The following ATXN7L1 variants were observed in gnomAD, a reference collection of about 807,000 sequenced individuals.
ATXN7L1 encodes the protein ataxin 7 like 1, also known as ataxin-7-like protein 1.
Under a neutral mutation model 70.8 loss-of-function variants are expected in ATXN7L1, and 15 were observed. That is an observed-to-expected ratio of 0.21 (90% CI 0.14 to 0.33). The LOEUF is 0.33. Ranked by LOEUF, ATXN7L1 falls within the 10% of genes least tolerant of loss-of-function variation. The probability of loss-of-function intolerance (pLI) is 1.00; values close to 1 mark genes in which losing one functional copy is unlikely to be tolerated. For synonymous variants in ATXN7L1, 440 were observed against 445.1 expected, an observed-to-expected ratio of 0.99 and a Z score of 0.14; for missense variants, 975 against 1,097.1, an observed-to-expected ratio of 0.89 and a Z score of 1.57.
At chr7:105,773,149 G>T (rs1797152436) in intron 3 of ATXN7L1, among the ~76,000 whole-genome samples, 1 of 152,106 alleles carries the variant, frequency 6.6e-6, no homozygotes, top group African/African-American at 2.4e-5. Flanking sequence ...TAGTTGCTAT[G>T]GGACTAGTTA....
chr7:105,784,553 T>C (rs894699481), intron 3 of ATXN7L1, among the ~76,000 whole-genome samples: 1 of 152,030 alleles, frequency 6.6e-6, no homozygotes, highest in Non-Finnish European at 1.5e-5. Flanking sequence ...CATGACAGCA[T>C]GGCAGGAGGG....
At chr7:105,822,394 T>C (rs997200262) in intron 2 of ATXN7L1, among the ~76,000 whole-genome samples, 1 of 152,256 alleles carries the variant, frequency 6.6e-6, no homozygotes, top group Non-Finnish European at 1.5e-5. Context: ...GGGCTTGAGT[T>C]GCTTTGTGGT....
chr7:105,652,688 C>G lies in ATXN7L1; in HGVS notation c.579-9567G>C, dbSNP rs1382573339. Among the ~76,000 whole-genome samples, 6 of 152,362 alleles carry G rather than the reference C, an allele frequency of 3.9e-5. No homozygotes were observed. The East Asian group carries it at 5.8e-4, about 15-fold the overall frequency. On this transcript the variant is annotated intron_variant, in intron 4 of 11. Coordinates refer to ENST00000419735, the MANE Select transcript of ATXN7L1 (RefSeq NM_020725.2). ...CAACTCCTTACAGAACACCCTCCAT[C>G]CCCCTGCCAGGAAGGCTGGGAGCTG... is the stretch of plus-strand genomic sequence containing the variant.
In ATXN7L1 at chr7:105,795,491, C is replaced by T. The variant is rs576545870; in HGVS notation, c.251-6783G>A. 7.2e-4 allele frequency among the ~76,000 whole-genome samples: 109 copies of T among 152,302 alleles called. No individual in the cohort carries two copies. In the Middle Eastern group the frequency reaches 0.017, roughly 24 times the overall value. On this transcript the variant is annotated intron_variant, in intron 2 of 11. Coordinates refer to ENST00000419735, the MANE Select transcript of ATXN7L1 (RefSeq NM_020725.2). The stretch of plus-strand genomic sequence containing the variant: ...CTGGTTTTGTGGATTCAGGATCAAG[C>T]TAGATGCTGCGTGCCTTTGAATTTG...
intron 3 of ATXN7L1, among the ~76,000 whole-genome samples, chr7:105,703,332 T>G (rs1792728436): frequency 6.7e-6 from 1 of 149,514 alleles, no homozygotes; most frequent in Non-Finnish European, 1.5e-5. Context: ...CACTTAAGTA[T>G]AACTTGTATT....
At chr7:105,815,606 C>G (rs553468520) in intron 2 of ATXN7L1, among the ~76,000 whole-genome samples, 1 of 152,224 alleles carries the variant, frequency 6.6e-6, no homozygotes, top group African/African-American at 2.4e-5. Context: ...CACTTTCAGA[C>G]CCACATGGCG....
At chr7:105,756,926 T>A (rs1415741761) in intron 3 of ATXN7L1, among the ~76,000 whole-genome samples, 1 of 152,204 alleles carries the variant, frequency 6.6e-6, no homozygotes, top group Non-Finnish European at 1.5e-5. Flanking sequence ...GAGTTTTTTT[T>A]AACACTTAAA....
In ATXN7L1 at chr7:105,638,393, A is replaced by T. The variant is rs1797692329; in HGVS notation, c.1162T>A (p.Ser388Thr). The T allele has an allele frequency of 7.7e-6, 12 of 1,552,102 alleles. No individual in the cohort carries two copies. The highest frequency in any genetic ancestry group is 1.0e-5 in the Non-Finnish European group (12 of 1,147,090). The change falls in exon 7 of 12, where the codon TCC becomes ACC. Residue 388 changes from serine (S) to threonine (T), a missense_variant. This residue lies in a region of ATXN7L1 where 635 missense variants were observed against 699.4 expected (regional missense o/e 0.91). Transcript: ENST00000419735. ...TTGGGTGGTCTGGATTTTGCAGGGG[A>T]TGCAACTTTTGGTTCTGGCCCAGAG... ...GSSGPEPKVA[S>T]PAKSRPPNSV... is the part of the protein sequence containing the mutation.
intron 10 of ATXN7L1, among the ~76,000 whole-genome samples, chr7:105,612,677 G>C (rs1793265707): frequency 6.6e-6 from 1 of 152,132 alleles, no homozygotes; most frequent in African/African-American, 2.4e-5. Flanking sequence ...GAGAGGACCT[G>C]TGTCTCCCGC....
At chr7:105,623,996 T>C in intron 8 of ATXN7L1, 79 bp downstream of exon 8, 1 of 1,249,374 alleles carries the variant, frequency 8.0e-7, no homozygotes, top group South Asian at 2.9e-5. Context: ...TTAGGAAGGA[T>C]CATGCCTCTG....
At position 105,782,240 on chromosome 7, in the gene ATXN7L1, G is replaced by A. The variant is rs375429675; in HGVS notation, c.355+6364C>T. On this transcript the variant is annotated intron_variant, in intron 3 of 11. Coordinates refer to ENST00000419735, the MANE Select transcript of ATXN7L1 (RefSeq NM_020725.2). Reference sequence around the variant, plus strand: ...CAAATTGGGATGGACAGCTACGAGGGACAGAGATGCCTGCAGAGTGGAACT... The same window carrying A: ...CAAATTGGGATGGACAGCTACGAGGAACAGAGATGCCTGCAGAGTGGAACT... 1.6e-4 allele frequency among the ~76,000 whole-genome samples: 25 copies of A among 152,334 alleles called. 1 individual carries two copies. In the South Asian group the frequency reaches 4.6e-3, roughly 28 times the overall value.
At chr7:105,677,171 T>A (rs968243700) in intron 3 of ATXN7L1, among the ~76,000 whole-genome samples, 4 of 152,186 alleles carry the variant, frequency 2.6e-5, no homozygotes, top group African/African-American at 7.2e-5. Context: ...TGTGATTTTT[T>A]AAAAGGTCCT....
chr7:105,727,746 G>GTA (rs1232202676), intron 3 of ATXN7L1, among the ~76,000 whole-genome samples: 695 of 55,308 alleles, frequency 0.013, 12 homozygotes, highest in Admixed American at 0.017. Flanking sequence ...GTGTATGTGT[G>GTA]TATATATATA....
chr7:105,748,770 G>A (rs1798864858), intron 3 of ATXN7L1, among the ~76,000 whole-genome samples: 1 of 152,216 alleles, frequency 6.6e-6, no homozygotes, highest in South Asian at 2.1e-4. Context: ...GGCCAAGTGT[G>A]GACAGGGCTG....
intron 3 of ATXN7L1, among the ~76,000 whole-genome samples, chr7:105,700,236 T>C (rs1420969227): frequency 1.3e-5 from 2 of 152,052 alleles, no homozygotes; most frequent in Non-Finnish European, 2.9e-5. Flanking sequence ...CTGGGCGCGG[T>C]GGCTCATGTC....
intron 3 of ATXN7L1, among the ~76,000 whole-genome samples, chr7:105,713,631 G>T (rs947263025): frequency 2.0e-5 from 3 of 152,228 alleles, no homozygotes; most frequent in Non-Finnish European, 4.4e-5. Context: ...TGGCAATAAG[G>T]GTGACTCAAG....
At chr7:105,740,186 C>G (rs1465935920) in intron 3 of ATXN7L1, among the ~76,000 whole-genome samples, 1 of 152,158 alleles carries the variant, frequency 6.6e-6, no homozygotes, top group East Asian at 1.9e-4. Context: ...GGCCAGAAAG[C>G]CAGAATCTGT....
intron 2 of ATXN7L1, among the ~76,000 whole-genome samples, chr7:105,851,464 A>T (rs1318435391): frequency 6.6e-6 from 1 of 152,220 alleles, no homozygotes; most frequent in East Asian, 1.9e-4. Flanking sequence ...CCCAGTAAAA[A>T]TCCAAACACC....
chr7:105,623,519 C>A (rs541848711), intron 8 of ATXN7L1, among the ~76,000 whole-genome samples: 5 of 152,358 alleles, frequency 3.3e-5, no homozygotes, highest in Admixed American at 2.0e-4. Flanking sequence ...TCTTACTAAT[C>A]AGCAATCATG....
Sources: gnomAD v4.1 joint callset for allele counts (sites outside exome capture counted in the v4.1 genomes callset) on GRCh38, gnomAD v4.1.1 for gene constraint, gnomAD v4.1.1 regional missense constraint, MANE v1.5 for transcripts, NCBI Gene and HGNC (gene_info 2026-07-23, HGNC 2026-07-21) for gene names.